The following PRDM10 variants were observed in gnomAD, a reference collection of about 807,000 sequenced individuals.
The protein encoded by PRDM10 is PR/SET domain 10, also known as PR domain zinc finger protein 10.
In PRDM10, 65 loss-of-function variants were observed where a neutral mutation model predicts 133.1. The ratio of observed to expected loss-of-function variants is 0.49; its 90% CI spans 0.40 to 0.60. The LOEUF (loss-of-function observed/expected upper bound fraction) is 0.60, where lower values mean the gene tolerates loss of function less well. Ranked by LOEUF, PRDM10 falls within the 20% of genes least tolerant of loss-of-function variation. The pLI is 0.00. For missense variants in PRDM10, 1,137 were observed against 1,507.1 expected, an observed-to-expected ratio of 0.75 and a Z score of 4.07; for synonymous variants, 582 against 580.4, an observed-to-expected ratio of 1.00 and a Z score of -0.04.
At chr11:129,978,505 C>CTGAA (rs1937914207) in intron 1 of PRDM10, among the ~76,000 whole-genome samples, 1 of 152,316 alleles carries the variant, frequency 6.6e-6, no homozygotes, top group Middle Eastern at 3.4e-3. Context: ...CAGAAGAGAA[C>CTGAA]TGAACTAAGG....
Position 129,926,379 on chromosome 11 carries a change from G to C in PRDM10, c.1531-1150C>G, listed in dbSNP as rs533575408. On this transcript the variant is annotated intron_variant, in intron 11 of 20. Transcript: ENST00000360871. Reference sequence around the variant, plus strand: ...CCGTTCCTCAGAACACTGAGGGAAAGCTCTAGATTGCTACAAGGGGGGGAA... The same window carrying C: ...CCGTTCCTCAGAACACTGAGGGAAACCTCTAGATTGCTACAAGGGGGGGAA... Among the ~76,000 whole-genome samples, 10 of 152,314 alleles carry C rather than the reference G, an allele frequency of 6.6e-5. No homozygotes were observed. In the East Asian group the frequency reaches 1.9e-3, roughly 29 times the overall value.
intron 1 of PRDM10, among the ~76,000 whole-genome samples, chr11:129,969,978 A>T (rs1351327500): frequency 6.6e-6 from 1 of 152,232 alleles, no homozygotes; most frequent in African/African-American, 2.4e-5. Context: ...ATCTTAAGAT[A>T]CTGAGTTATA....
At chr11:129,946,407 A>G (rs998418345) in intron 5 of PRDM10, among the ~76,000 whole-genome samples, 3 of 152,234 alleles carry the variant, frequency 2.0e-5, no homozygotes, top group African/African-American at 7.2e-5. Flanking sequence ...ACCACCACAC[A>G]GAAGGACCAG....
intron 7 of PRDM10, 100 bp downstream of exon 7, chr11:129,942,326 T>G: frequency 1.6e-6 from 2 of 1,263,548 alleles, no homozygotes; most frequent in Non-Finnish European, 2.2e-6. Flanking sequence ...CCCTCCCCCT[T>G]TTTTGTTAAA....
intron 4 of PRDM10, among the ~76,000 whole-genome samples, chr11:129,951,373 C>T (rs941054733): frequency 2.0e-5 from 3 of 152,140 alleles, no homozygotes; most frequent in Non-Finnish European, 4.4e-5. Context: ...ACGTCACCCA[C>T]GCTTTGAATA....
At chr11:129,928,307 G>T (rs909269696) in intron 11 of PRDM10, among the ~76,000 whole-genome samples, 6 of 151,990 alleles carry the variant, frequency 3.9e-5, no homozygotes, top group African/African-American at 1.4e-4. Context: ...ATGGCTAAAA[G>T]AACCTAAATT....
chr11:129,974,048 C>A (rs544521207), intron 1 of PRDM10, among the ~76,000 whole-genome samples: 3 of 152,366 alleles, frequency 2.0e-5, no homozygotes, highest in African/African-American at 7.2e-5. Context: ...GCCCCGCCTC[C>A]AGCTCACCAG....
intron 1 of PRDM10, among the ~76,000 whole-genome samples, chr11:129,964,210 G>A (rs1473478689): frequency 6.6e-6 from 1 of 152,142 alleles, no homozygotes; most frequent in Admixed American, 6.5e-5. Context: ...GTGCTGCGGG[G>A]ATCGGCAGGT....
At chr11:129,941,819 G>C (rs1033451830) in intron 7 of PRDM10, among the ~76,000 whole-genome samples, 6 of 152,190 alleles carry the variant, frequency 3.9e-5, no homozygotes, top group Non-Finnish European at 1.5e-5. Context: ...ATATTCGTAG[G>C]TTGAGTGTAT....
chr11:129,902,494 C>A lies in PRDM10; in HGVS notation c.3290G>T (p.Ser1097Ile). ...TTGCTTTTCTTCCAATTCTGATTGACTTTCTGATAACACATAATGACCCTA... is the reference window on the plus strand; with the variant it reads ...TTGCTTTTCTTCCAATTCTGATTGAATTTCTGATAACACATAATGACCCTA... Reference protein sequence around the residue: ...VTSGHYVLSESQSELEEKQTS... With the variant: ...VTSGHYVLSEIQSELEEKQTS... The change falls in exon 21 of 21, where the codon AGT (serine) becomes ATT (isoleucine). Residue 1097 changes from serine (S) to isoleucine (I), a missense_variant. Ser to Ile is a moderately radical substitution (Grantham distance 142). Around this residue, in one of 6 missense-constraint regions of PRDM10, gnomAD observed 243 missense variants for 259.2 expected, o/e 0.94. Transcript: ENST00000360871. 3 of 1,614,114 alleles carry A rather than the reference C, an allele frequency of 1.9e-6. No individual in the cohort carries two copies. Among genetic ancestry groups the A allele is most frequent in the Non-Finnish European group, 2.5e-6 (3 of 1,179,986 alleles).
intron 19 of PRDM10, among the ~76,000 whole-genome samples, chr11:129,906,810 C>T (rs150099212): frequency 0.051 from 7,750 of 151,818 alleles, 672 homozygotes; most frequent in African/African-American, 0.18. Context: ...AAACCCCATC[C>T]CTGCTAAAAA....
intron 1 of PRDM10, among the ~76,000 whole-genome samples, chr11:129,991,432 C>A (rs1243496966): frequency 6.6e-6 from 1 of 152,164 alleles, no homozygotes; most frequent in Admixed American, 6.5e-5. Flanking sequence ...ACCTGTAATC[C>A]CCGCACTTTG....
In PRDM10 at chr11:129,959,422, A is replaced by G. The variant is rs138236467; in HGVS notation, c.69+1474T>C. Among the ~76,000 whole-genome samples the G allele has an allele frequency of 2.8e-4, 43 of 152,310 alleles. 2 individuals are homozygous for G. In the East Asian group the frequency reaches 5.6e-3, roughly 20 times the overall value. On this transcript the variant is annotated intron_variant, in intron 2 of 20. Transcript: ENST00000360871. ...GTTTCAGTGCTTAAGAAGGGAAAACATGTTTCCTCCAGACAAGCTATCCAA... is the reference window on the plus strand; with the variant it reads ...GTTTCAGTGCTTAAGAAGGGAAAACGTGTTTCCTCCAGACAAGCTATCCAA...
chr11:129,905,813 C>G (rs2135710295), intron 19 of PRDM10, 72 bp from the exon 20 acceptor site: 2 of 1,274,218 alleles, frequency 1.6e-6, no homozygotes, highest in South Asian at 2.5e-5. Flanking sequence ...AAAAACATAA[C>G]CAGTAGCCAC....
chr11:130,001,846 C>A (rs2136021192), intron 1 of PRDM10, among the ~76,000 whole-genome samples: 1 of 152,116 alleles, frequency 6.6e-6, no homozygotes, highest in East Asian at 1.9e-4. Flanking sequence ...TGGGTGCAGG[C>A]GGACTGGGGC....
chr11:129,962,464 C>T (rs1951814922), intron 1 of PRDM10, among the ~76,000 whole-genome samples: 1 of 152,194 alleles, frequency 6.6e-6, no homozygotes, highest in African/African-American at 2.4e-5. Flanking sequence ...TGCAGCACCC[C>T]CCACCACACT....
At chr11:129,906,031 A>G (rs375422135) in intron 19 of PRDM10, among the ~76,000 whole-genome samples, 11 of 152,228 alleles carry the variant, frequency 7.2e-5, no homozygotes, top group African/African-American at 2.7e-4. Flanking sequence ...TACGTCACAA[A>G]GAGTTACCTT....
chr11:129,947,825 T>C lies in PRDM10; in HGVS notation c.295-455A>G, dbSNP rs190053284. 1.7e-3 allele frequency among the ~76,000 whole-genome samples: 258 copies of C among 152,300 alleles called. 1 individual carries two copies. The highest frequency in any genetic ancestry group is 5.9e-3 in the African/African-American group (244 of 41,566). ...ATAGGTAAGCAACAGACCGTTTCGATGTGTGCACATGTGAGGTATCATCAG... is the reference window on the plus strand; with the variant it reads ...ATAGGTAAGCAACAGACCGTTTCGACGTGTGCACATGTGAGGTATCATCAG... On this transcript the variant is annotated intron_variant, in intron 4 of 20. Transcript: ENST00000360871. The surrounding 1 kb of genome is among the most constrained non-coding windows in gnomAD (Gnocchi z 4.6).
intron 11 of PRDM10, among the ~76,000 whole-genome samples, chr11:129,926,577 T>C (rs909096108): frequency 6.6e-6 from 1 of 152,212 alleles, no homozygotes; most frequent in Non-Finnish European, 1.5e-5. Context: ...TAATTATTTT[T>C]GATTTAGTGG....
Sources: gnomAD v4.1 joint callset for allele counts (sites outside exome capture counted in the v4.1 genomes callset) on GRCh38, gnomAD v4.1.1 for gene constraint, gnomAD v4.1.1 regional missense constraint, Gnocchi (gnomAD v3.1) non-coding constraint, MANE v1.5 for transcripts, NCBI Gene and HGNC (gene_info 2026-07-23, HGNC 2026-07-21) for gene names.